CNST: variants seen among roughly 807,000 people sequenced by gnomAD.
The protein encoded by CNST is consortin, connexin sorting protein, also known as consortin.
A neutral mutation model predicts 72.4 loss-of-function variants in CNST; 39 were observed. The ratio of observed to expected loss-of-function variants is 0.54; its 90% confidence interval spans 0.42 to 0.70. CNST has a LOEUF of 0.70. Among genes scored for constraint, CNST ranks in the 30% least tolerant of loss-of-function variants. The probability of loss-of-function intolerance (pLI) is 0.00; values close to 1 mark genes in which losing one functional copy is unlikely to be tolerated. For missense variants in CNST, 871 were observed against 868.5 expected, an observed-to-expected ratio of 1.00 and a Z score of -0.04; for synonymous variants, 332 against 320.1, an observed-to-expected ratio of 1.04 and a Z score of -0.40.
At chr1:246,568,381 G>A (rs1296735169) in intron 1 of CNST, among the ~76,000 whole-genome samples, 1 of 152,082 alleles carries the variant, frequency 6.6e-6, no homozygotes, top group Non-Finnish European at 1.5e-5. Context: ...TCACTTGTTT[G>A]TAATTGAAGG....
At chr1:246,604,772 G>A (rs1384541639) in intron 2 of CNST, among the ~76,000 whole-genome samples, 4 of 151,480 alleles carry the variant, frequency 2.6e-5, no homozygotes, top group South Asian at 2.1e-4. Context: ...GGGTTCAAGC[G>A]ATTCTCTTGC....
chr1:246,616,289 C>T (rs560347320), intron 2 of CNST, among the ~76,000 whole-genome samples: 2 of 152,230 alleles, frequency 1.3e-5, no homozygotes, highest in East Asian at 3.9e-4. Flanking sequence ...TGGCTGGCGC[C>T]TGTACTCCCA....
At chr1:246,590,090 AAG>A (rs1480831301) in intron 1 of CNST, among the ~76,000 whole-genome samples, 1 of 152,214 alleles carries the variant, frequency 6.6e-6, no homozygotes. Context: ...TTAAAGAAGG[AAG>A]AGGCTTTATT....
intron 2 of CNST, among the ~76,000 whole-genome samples, chr1:246,592,342 G>T (rs551657032): frequency 6.6e-6 from 1 of 152,276 alleles, no homozygotes; most frequent in South Asian, 2.1e-4. Flanking sequence ...CAAAAAATGA[G>T]CTGGGTGCAG....
At chr1:246,576,396 T>C (rs1572112819) in intron 1 of CNST, among the ~76,000 whole-genome samples, 1 of 149,746 alleles carries the variant, frequency 6.7e-6, no homozygotes, top group African/African-American at 2.5e-5. Context: ...TCAGTGACTA[T>C]TATTTTAACT....
chr1:246,603,073 G>C (rs1437236678), intron 2 of CNST, among the ~76,000 whole-genome samples: 2 of 152,042 alleles, frequency 1.3e-5, no homozygotes, highest in Non-Finnish European at 2.9e-5. Flanking sequence ...TATTTTATGT[G>C]AAGAAAAATT....
rs116562446 is a variant in CNST, at chr1:246,575,569, G to A, written c.-52+8906G>A. Among the ~76,000 whole-genome samples the A allele has an allele frequency of 4.4e-3, 665 of 152,284 alleles. 3 individuals carry two copies. Among genetic ancestry groups the A allele is most frequent in the African/African-American group, 0.015 (638 of 41,566 alleles). On this transcript the variant is annotated intron_variant, in intron 1 of 10. Coordinates refer to ENST00000366513, the MANE Select transcript of CNST (RefSeq NM_152609.3). The stretch of plus-strand genomic sequence containing the variant: ...GTTTGAGTGATTGCCTGGGGCTGTG[G>A]TGGGGGTGCAGGAGAATGGGAAATC...
Position 246,585,674 on chromosome 1 carries a change from C to T in CNST, c.-51-5838C>T, listed in dbSNP as rs1485470754. ...AAAAAAAAAAAAAAATATACACACA[C>T]ACACACACACACACACACACACACA... is the stretch of plus-strand genomic sequence containing the variant. On this transcript the variant is annotated intron_variant, in intron 1 of 10. Coordinates refer to ENST00000366513, the MANE Select transcript of CNST (RefSeq NM_152609.3). Among the ~76,000 whole-genome samples the T allele has an allele frequency of 2.7e-3, 208 of 76,916 alleles. 8 individuals carry two copies. Among genetic ancestry groups the T allele is most frequent in the African/African-American group, 0.021 (181 of 8,442 alleles). The allele number at this position is 76,916 out of a possible 152,430, so 50.5% of individuals were successfully genotyped here. A position where few individuals can be genotyped will look rare whatever the true frequency, so the allele number is the denominator to read the frequency against.
chr1:246,572,908 A>AT lies in CNST; in HGVS notation c.-52+6254dup, dbSNP rs200079803. 3.9e-3 allele frequency among the ~76,000 whole-genome samples: 589 copies of AT among 151,510 alleles called. 2 individuals carry two copies. The highest frequency in any genetic ancestry group is 0.014 in the African/African-American group (563 of 41,352). ...CATGAAACAACAACTAACATTTTAG[A>AT]TTTTTTTTTCCACTTGTGAAGCATG... On this transcript the variant is annotated intron_variant, in intron 1 of 10. Transcript: ENST00000366513.
At chr1:246,605,642 G>T (rs565799675) in intron 2 of CNST, among the ~76,000 whole-genome samples, 1 of 149,828 alleles carries the variant, frequency 6.7e-6, no homozygotes, top group South Asian at 2.2e-4. Flanking sequence ...GTCTATCCTC[G>T]GTGGTGGGTG....
chr1:246,625,094 A>T (rs1394178848), intron 3 of CNST, among the ~76,000 whole-genome samples: 1 of 152,246 alleles, frequency 6.6e-6, no homozygotes, highest in East Asian at 1.9e-4. Flanking sequence ...TACATAACAT[A>T]CAAGGCCATT....
intron 10 of CNST, 81 bp downstream of exon 10, chr1:246,660,415 T>C: frequency 6.8e-7 from 1 of 1,461,420 alleles, no homozygotes; most frequent in South Asian, 1.3e-5. Flanking sequence ...ATGTGACGTT[T>C]ACTAACAGGA....
Position 246,591,897 on chromosome 1 carries a change from G to T in CNST, c.335G>T (p.Arg112Ile). The T allele has an allele frequency of 8.7e-6, 14 of 1,613,876 alleles. No individual in the cohort carries two copies. The highest frequency in any genetic ancestry group is 1.2e-5 in the Non-Finnish European group (14 of 1,179,916). ...LGKDKKIPGK[R>I]SPRSKKGTAK... ...AAGGACAAAAAAATTCCTGGAAAAAGAAGTCCAAGAAGCAAAAAAGGGACT... is the reference window on the plus strand; with the variant it reads ...AAGGACAAAAAAATTCCTGGAAAAATAAGTCCAAGAAGCAAAAAAGGGACT... The change falls in exon 2 of 11, where the codon AGA becomes ATA. Residue 112 changes from arginine (R) to isoleucine (I), a missense_variant. Arg to Ile is a moderately conservative substitution (Grantham distance 97, BLOSUM62 -3). Transcript: ENST00000366513.
intron 9 of CNST, among the ~76,000 whole-genome samples, chr1:246,648,428 G>T (rs1468145969): frequency 6.6e-6 from 1 of 151,954 alleles, no homozygotes; most frequent in Non-Finnish European, 1.5e-5. Flanking sequence ...TGTACTTACT[G>T]TTTCTTCCTC....
chr1:246,599,833 G>A (rs1046391731), intron 2 of CNST, among the ~76,000 whole-genome samples: 1 of 152,170 alleles, frequency 6.6e-6, no homozygotes, highest in East Asian at 1.9e-4. Context: ...ACATTATTTT[G>A]TAGACCCGTA....
Position 246,634,384 on chromosome 1 carries a change from A to G in CNST, c.704-89A>G, listed in dbSNP as rs112811678. ...AAGATAATTTTGCATGCAAATCTTT[A>G]TGAGTGGTGCTAGTTAACTGTTTGT... On this transcript the variant is annotated intron_variant, in intron 5 of 10. Coordinates refer to ENST00000366513, the MANE Select transcript of CNST (RefSeq NM_152609.3). The G allele has an allele frequency of 2.9e-5, 20 of 698,596 alleles. No individual in the cohort carries two copies. In the African/African-American group the frequency reaches 3.1e-4, roughly 11 times the overall value. The allele number at this position is 698,596 out of a possible 1,614,324, so 43.3% of individuals were successfully genotyped here.
rs142165260 is a variant in CNST at position 246,568,837 on chromosome 1, G to A, written c.-52+2174G>A. 3.9e-3 allele frequency among the ~76,000 whole-genome samples: 595 copies of A among 152,300 alleles called. 3 individuals carry two copies. Among genetic ancestry groups the A allele is most frequent in the African/African-American group, 0.014 (571 of 41,558 alleles). ...TCCGACCTCCACCTCTCAAAGTGCT[G>A]GGATTACAGGCGTGAGCCACCACGC... On this transcript the variant is annotated intron_variant, in intron 1 of 10. Coordinates refer to ENST00000366513, the MANE Select transcript of CNST (RefSeq NM_152609.3).
At chr1:246,606,085 G>C (rs201715170) in intron 2 of CNST, 2 of 144,412 alleles carry the variant, frequency 1.4e-5, no homozygotes, top group Non-Finnish European at 3.0e-5. Flanking sequence ...TGGGCACCTC[G>C]GAAAAAAAGA....
intron 9 of CNST, among the ~76,000 whole-genome samples, chr1:246,654,029 G>A (rs1418270130): frequency 1.3e-5 from 2 of 152,120 alleles, no homozygotes; most frequent in Non-Finnish European, 2.9e-5. Context: ...TCGAACACAC[G>A]GACTGTGAGT....
Sources: allele counts gnomAD v4.1 joint callset (sites outside exome capture counted in the v4.1 genomes callset), GRCh38; gene constraint gnomAD v4.1.1; transcripts MANE v1.5; gene names NCBI Gene and HGNC (gene_info 2026-07-23, HGNC 2026-07-21).